Variants in SPIRE1 observed in about 807,000 individuals in gnomAD.
SPIRE1 encodes the protein protein spire homolog 1.
A neutral mutation model predicts 94.1 loss-of-function variants in SPIRE1; 40 were observed. The ratio of observed to expected loss-of-function variants is 0.43; its 90% CI spans 0.33 to 0.55. SPIRE1 has a LOEUF of 0.55. Among genes scored for constraint, SPIRE1 ranks in the 20% least tolerant of loss-of-function variants. The probability of loss-of-function intolerance (pLI) is 0.06; values close to 1 mark genes in which losing one functional copy is unlikely to be tolerated. For missense variants in SPIRE1, 838 were observed against 975.2 expected (o/e 0.86, Z 1.87); for synonymous variants, 376 against 371.7 (o/e 1.01, Z -0.13).
At chr18:12,458,670 T>C (rs1249730482) in intron 12 of SPIRE1, among the ~76,000 whole-genome samples, 1 of 151,952 alleles carries the variant, frequency 6.6e-6, no homozygotes, top group Admixed American at 6.6e-5. Context: ...TTGCCTAAAG[T>C]GGTATATGGC....
At chr18:12,657,251 C>T (rs1168473689) in intron 1 of SPIRE1, among the ~76,000 whole-genome samples, 1 of 147,854 alleles carries the variant, frequency 6.8e-6, no homozygotes, top group Non-Finnish European at 1.5e-5. Context: ...AGCACAATGA[C>T]GAGCGCCCCG....
intron 9 of SPIRE1, among the ~76,000 whole-genome samples, chr18:12,480,525 G>A (rs1405811049): frequency 6.6e-6 from 1 of 152,116 alleles, no homozygotes; most frequent in Non-Finnish European, 1.5e-5. Flanking sequence ...AACAGACGTG[G>A]GCTTGTTGTG....
intron 2 of SPIRE1, among the ~76,000 whole-genome samples, chr18:12,596,960 T>TGCAC (rs1206746035): frequency 6.6e-6 from 1 of 151,664 alleles, no homozygotes; most frequent in Non-Finnish European, 1.5e-5. Context: ...CTCCTCCACC[T>TGCAC]TAAGAATGAG....
intron 2 of SPIRE1, among the ~76,000 whole-genome samples, chr18:12,555,659 G>A (rs1055664470): frequency 6.6e-6 from 1 of 152,120 alleles, no homozygotes; most frequent in East Asian, 1.9e-4. Context: ...GGGTATATAA[G>A]GAACATATCT....
chr18:12,597,593 A>G (rs1203591873), intron 2 of SPIRE1, among the ~76,000 whole-genome samples: 1 of 152,178 alleles, frequency 6.6e-6, no homozygotes, highest in Non-Finnish European at 1.5e-5. Flanking sequence ...AACTGCTTCA[A>G]AGAAATGTTT....
chr18:12,458,340 A>G (rs1182305989), intron 12 of SPIRE1, among the ~76,000 whole-genome samples: 1 of 151,320 alleles, frequency 6.6e-6, no homozygotes, highest in Admixed American at 6.6e-5. Context: ...GGCCAGGCGC[A>G]GTGGCTCACG....
At chr18:12,635,243 C>T (rs1273036837) in intron 1 of SPIRE1, 147 bp from the exon 2 acceptor site, 12 of 482,034 alleles carry the variant, frequency 2.5e-5, no homozygotes, top group Middle Eastern at 1.1e-3. Context: ...ACCAAATATC[C>T]CTGAAGGTCC....
intron 1 of SPIRE1, among the ~76,000 whole-genome samples, chr18:12,644,941 A>G (rs1057156585): frequency 1.4e-4 from 22 of 152,116 alleles, no homozygotes; most frequent in Non-Finnish European, 2.2e-4. Flanking sequence ...TCCATTTTAC[A>G]AATAAAGAAA....
intron 2 of SPIRE1, among the ~76,000 whole-genome samples, chr18:12,622,516 C>A (rs372771449): frequency 1.3e-5 from 2 of 150,432 alleles, no homozygotes; most frequent in Admixed American, 6.6e-5. Flanking sequence ...TCCGCCTCCC[C>A]GGTTCACGCC....
intron 4 of SPIRE1, among the ~76,000 whole-genome samples, chr18:12,526,054 G>GACACACACACACACACACAC: frequency 1.1e-4 from 1 of 9,286 alleles, no homozygotes; most frequent in Non-Finnish European, 2.4e-4. Flanking sequence ...GAATACTGAA[G>GACACACACACACACACACAC]ATACACACAC....
intron 3 of SPIRE1, among the ~76,000 whole-genome samples, chr18:12,546,427 G>A (rs1403322379): frequency 1.3e-5 from 2 of 152,004 alleles, no homozygotes; most frequent in African/African-American, 4.8e-5. Context: ...GAGCCCAGGG[G>A]TTCAAAACCA....
chr18:12,452,128 G>T (rs755820366), intron 16 of SPIRE1, 127 bp downstream of exon 16: 5 of 1,130,594 alleles, frequency 4.4e-6, no homozygotes, highest in African/African-American at 1.6e-5. Flanking sequence ...GTGTAAAACT[G>T]TATTAAAACC....
intron 2 of SPIRE1, among the ~76,000 whole-genome samples, chr18:12,606,533 A>AT (rs11461946): frequency 0.43 from 62,574 of 145,494 alleles, 13,662 homozygotes; most frequent in African/African-American, 0.54. Flanking sequence ...TAATTATCTG[A>AT]TTTTTTTTTT....
chr18:12,556,619 C>G (rs369519106), intron 2 of SPIRE1, among the ~76,000 whole-genome samples: 1 of 152,256 alleles, frequency 6.6e-6, no homozygotes, highest in South Asian at 2.1e-4. Flanking sequence ...AGCTGCAGAC[C>G]TTCGCCATGA....
rs778545279 is a variant in SPIRE1 at position 12,453,042 on chromosome 18, T to G, written c.1847+26A>C. ...TTCTCTTACGACTGTTAAATTTATC[T>G]TTTCATCAATTACAAAATACCTTAC... On this transcript the variant is annotated intron_variant, in intron 14 of 16. Transcript: ENST00000409402. The G allele has an allele frequency of 4.1e-6, 6 of 1,448,762 alleles. No individual in the cohort carries two copies. The South Asian group carries it at 7.7e-5, about 19-fold the overall frequency. The allele number at this position is 1,448,762 out of a possible 1,614,324, so 89.7% of individuals were successfully genotyped here.
chr18:12,628,970 A>G (rs2037706147), intron 2 of SPIRE1, among the ~76,000 whole-genome samples: 1 of 152,214 alleles, frequency 6.6e-6, no homozygotes, highest in Non-Finnish European at 1.5e-5. Flanking sequence ...AGATGTGAAC[A>G]TGAGTCTTTT....
chr18:12,595,935 G>C (rs931573818), intron 2 of SPIRE1, among the ~76,000 whole-genome samples: 2 of 152,126 alleles, frequency 1.3e-5, no homozygotes, highest in African/African-American at 4.8e-5. Flanking sequence ...AAAAAAAGAG[G>C]GGATGGGGGA....
intron 10 of SPIRE1, among the ~76,000 whole-genome samples, chr18:12,476,588 T>TATATATAC (rs1238183759): frequency 6.7e-5 from 7 of 104,396 alleles, no homozygotes; most frequent in African/African-American, 2.3e-4. Flanking sequence ...TATATATATA[T>TATATATAC]ACACACACAC....
chr18:12,461,468 A>G (rs927101742), intron 12 of SPIRE1, among the ~76,000 whole-genome samples: 1 of 151,200 alleles, frequency 6.6e-6, no homozygotes, highest in Non-Finnish European at 1.5e-5. Context: ...GTATGTACAT[A>G]TGTACGTACA....
Sources: gnomAD v4.1 joint callset for allele counts (sites outside exome capture counted in the v4.1 genomes callset) on GRCh38, gnomAD v4.1.1 for gene constraint, MANE v1.5 for transcripts, NCBI Gene and HGNC (gene_info 2026-07-23, HGNC 2026-07-21) for gene names.